PSPC1: variants seen among roughly 807,000 people sequenced by gnomAD.
PSPC1 encodes paraspeckle component 1.
A neutral mutation model predicts 51.6 loss-of-function variants in PSPC1; 14 were observed. That is an observed-to-expected ratio of 0.27 (90% CI 0.18 to 0.42). The LOEUF (loss-of-function observed/expected upper bound fraction) is 0.42, where lower values mean the gene tolerates loss of function less well. Among genes scored for constraint, PSPC1 ranks in the 10% least tolerant of loss-of-function variants. The pLI is 1.00. For missense variants in PSPC1, 406 were observed against 701.1 expected, an observed-to-expected ratio of 0.58 and a Z score of 4.75; for synonymous variants, 193 against 231.9, an observed-to-expected ratio of 0.83 and a Z score of 1.53.
chr13:19,771,583 G>A (rs538457712), intron 2 of PSPC1, among the ~76,000 whole-genome samples: 1 of 152,088 alleles, frequency 6.6e-6, no homozygotes, highest in African/African-American at 2.4e-5. Context: ...TTACAGGGAT[G>A]TGTCACCACG....
chr13:19,733,641 T>C (rs1294018228), intron 5 of PSPC1, among the ~76,000 whole-genome samples: 4 of 151,754 alleles, frequency 2.6e-5, no homozygotes, highest in African/African-American at 9.7e-5. Context: ...CGCACACCTG[T>C]AATCCCAGCT....
At chr13:19,695,785 A>T (rs1016353974) in intron 6 of PSPC1, among the ~76,000 whole-genome samples, 1 of 152,170 alleles carries the variant, frequency 6.6e-6, no homozygotes, top group Non-Finnish European at 1.5e-5. Context: ...GTAGAGATGT[A>T]ACTCATTTTG....
intron 3 of PSPC1, among the ~76,000 whole-genome samples, chr13:19,753,606 G>T (rs1406538067): frequency 6.6e-6 from 1 of 151,884 alleles, no homozygotes; most frequent in Non-Finnish European, 1.5e-5. Context: ...GTACTCATGG[G>T]AAAACAATTC....
At chr13:19,738,698 G>A (rs1241572474) in intron 5 of PSPC1, among the ~76,000 whole-genome samples, 1 of 152,104 alleles carries the variant, frequency 6.6e-6, no homozygotes, top group Non-Finnish European at 1.5e-5. Flanking sequence ...ACAAGGTCAC[G>A]AGTTCGAGAC....
intron 6 of PSPC1, among the ~76,000 whole-genome samples, chr13:19,687,264 G>A (rs1345279690): frequency 6.6e-6 from 1 of 152,074 alleles, no homozygotes; most frequent in Non-Finnish European, 1.5e-5. Context: ...TCTTTGGGAT[G>A]TGCATTTCTG....
At chr13:19,708,293 G>T (rs1880956240) in intron 7 of PSPC1, among the ~76,000 whole-genome samples, 1 of 152,146 alleles carries the variant, frequency 6.6e-6, no homozygotes, top group Non-Finnish European at 1.5e-5. Context: ...TTTGTAAATG[G>T]GTGTGCATGT....
At chr13:19,725,657 T>A (rs1593629416) in intron 6 of PSPC1, among the ~76,000 whole-genome samples, 1 of 152,182 alleles carries the variant, frequency 6.6e-6, no homozygotes, top group African/African-American at 2.4e-5. Flanking sequence ...ATAGGCAGCA[T>A]GTGAACTGAG....
At chr13:19,736,809 A>G (rs1054934567) in intron 5 of PSPC1, among the ~76,000 whole-genome samples, 3 of 152,216 alleles carry the variant, frequency 2.0e-5, no homozygotes, top group Non-Finnish European at 4.4e-5. Flanking sequence ...AACCCCTTGT[A>G]TAACCATAGT....
chr13:19,679,495 CA>C (rs368957302), intron 6 of PSPC1, among the ~76,000 whole-genome samples: 1 of 150,270 alleles, frequency 6.7e-6, no homozygotes. Flanking sequence ...GACCCTTTCT[CA>C]AAAAAAAAGG....
intron 1 of PSPC1, among the ~76,000 whole-genome samples, chr13:19,774,799 T>C (rs1888931392): frequency 7.4e-6 from 1 of 135,876 alleles, no homozygotes; most frequent in South Asian, 2.2e-4. Context: ...GGACAGACTC[T>C]GTGTCCAAAA....
At chr13:19,765,788 A>G (rs568223449) in intron 2 of PSPC1, among the ~76,000 whole-genome samples, 6 of 152,314 alleles carry the variant, frequency 3.9e-5, no homozygotes, top group African/African-American at 1.4e-4. Flanking sequence ...TAGCACTGAT[A>G]GTATATCAAG....
intron 1 of PSPC1, among the ~76,000 whole-genome samples, chr13:19,775,923 C>T (rs1488129596): frequency 6.6e-6 from 1 of 151,844 alleles, no homozygotes; most frequent in Non-Finnish European, 1.5e-5. Flanking sequence ...TGGCAGTGTG[C>T]GCCTGTAGTC....
rs1353811033 is a variant in PSPC1 at position 19,744,260 on chromosome 13, C to G, written c.968-2611G>C. 2.6e-5 allele frequency among the ~76,000 whole-genome samples: 4 copies of G among 152,244 alleles called. No homozygotes were observed. The East Asian group carries it at 7.7e-4, about 29-fold the overall frequency. On this transcript the variant is annotated intron_variant, in intron 4 of 8. Transcript: ENST00000338910. ...AAGAGATCTTCCCACCTCAGTCTCC[C>G]CAACAGCCAGGACTGACAGGCTTTT... is the stretch of plus-strand genomic sequence containing the variant.
intron 2 of PSPC1, among the ~76,000 whole-genome samples, chr13:19,768,566 T>C (rs1244514909): frequency 2.0e-5 from 3 of 150,270 alleles, no homozygotes; most frequent in Non-Finnish European, 4.4e-5. Flanking sequence ...GAGAATGGCG[T>C]GAACCCGGGA....
intron 7 of PSPC1, among the ~76,000 whole-genome samples, chr13:19,709,149 G>T: frequency 9.6e-6 from 1 of 104,264 alleles, no homozygotes. Flanking sequence ...ACAGAGTGAG[G>T]TCCTGCCTCA....
chr13:19,752,406 C>A (rs1358674491), intron 3 of PSPC1, among the ~76,000 whole-genome samples: 2 of 151,922 alleles, frequency 1.3e-5, no homozygotes, highest in Non-Finnish European at 2.9e-5. Context: ...TGAAAGTCTT[C>A]ATTTTTTTCA....
intron 6 of PSPC1, among the ~76,000 whole-genome samples, chr13:19,715,677 C>T (rs960020375): frequency 5.9e-5 from 9 of 152,070 alleles, no homozygotes; most frequent in Admixed American, 4.6e-4. Flanking sequence ...GCCAATTGCT[C>T]GAGCCCAGGA....
At chr13:19,712,473 T>A (rs1881564187) in intron 6 of PSPC1, among the ~76,000 whole-genome samples, 1 of 152,218 alleles carries the variant, frequency 6.6e-6, no homozygotes, top group Non-Finnish European at 1.5e-5. Context: ...GCAAGCTTTA[T>A]TATTCACAAA....
At chr13:19,672,480 C>T (rs1876189713), downstream of PSPC1, 1 of 149,098 alleles carries the variant, frequency 6.7e-6, no homozygotes, top group Non-Finnish European at 1.5e-5. Flanking sequence ...TCTACTAGCC[C>T]TGGTGAACTT....
Sources: allele counts gnomAD v4.1 joint callset (sites outside exome capture counted in the v4.1 genomes callset), GRCh38; gene constraint gnomAD v4.1.1; transcripts MANE v1.5; gene names NCBI Gene and HGNC (gene_info 2026-07-23, HGNC 2026-07-21).